Variants in MRTFA observed in about 807,000 individuals in gnomAD.
The protein encoded by MRTFA is myocardin related transcription factor A, also known as myocardin-related transcription factor A.
Under a neutral mutation model 83.5 loss-of-function variants are expected in MRTFA, and 20 were observed. The observed-to-expected ratio is 0.24, with a 90% confidence interval of 0.17 to 0.35. The LOEUF is 0.35. Ranked by LOEUF, MRTFA falls within the 10% of genes least tolerant of loss-of-function variation. The probability of loss-of-function intolerance (pLI) is 1.00; values close to 1 mark genes in which losing one functional copy is unlikely to be tolerated. For synonymous variants in MRTFA, 659 were observed against 541.2 expected, an observed-to-expected ratio of 1.22 and a Z score of -3.02; for missense variants, 1,200 against 1,224.7, an observed-to-expected ratio of 0.98 and a Z score of 0.30.
rs372091673 is a variant in MRTFA at position 40,470,295 on chromosome 22, A to G, written c.242-7009T>C. 1.2e-4 allele frequency among the ~76,000 whole-genome samples: 16 copies of G among 130,620 alleles called. No individual in the cohort carries two copies. The East Asian group carries it at 3.4e-3, about 28-fold the overall frequency. 85.7% of individuals were successfully genotyped at this position (130,620 alleles called of 152,430 possible). The stretch of plus-strand genomic sequence containing the variant: ...TATATATATATAAAGAAACATAATA[A>G]AGAGCAAAAGAAAATTTGGGAAATT... On this transcript the variant is annotated intron_variant, in intron 3 of 14. Transcript: ENST00000355630.
intron 1 of MRTFA, among the ~76,000 whole-genome samples, chr22:40,606,696 T>C (rs1222079282): frequency 1.3e-5 from 2 of 152,230 alleles, no homozygotes; most frequent in Non-Finnish European, 2.9e-5. Flanking sequence ...CCAATTATAA[T>C]TCTTTTCAGA....
chr22:40,609,516 T>C (rs1368604004), intron 1 of MRTFA, among the ~76,000 whole-genome samples: 1 of 151,480 alleles, frequency 6.6e-6, no homozygotes, highest in Non-Finnish European at 1.5e-5. Context: ...ACTTTAAATT[T>C]TTGATAGTGA....
At chr22:40,595,272 C>T (rs1228796684) in intron 1 of MRTFA, among the ~76,000 whole-genome samples, 1 of 151,798 alleles carries the variant, frequency 6.6e-6, no homozygotes, top group Non-Finnish European at 1.5e-5. Context: ...AGGTGTGCAC[C>T]ATTACGTCGG....
At chr22:40,513,957 T>TA (rs1361337328) in intron 3 of MRTFA, among the ~76,000 whole-genome samples, 2 of 151,618 alleles carry the variant, frequency 1.3e-5, no homozygotes, top group East Asian at 3.9e-4. Context: ...TTTTTTTTTT[T>TA]AAGTTAAAAA....
chr22:40,466,495 G>A (rs756623468), intron 3 of MRTFA, among the ~76,000 whole-genome samples: 40 of 152,106 alleles, frequency 2.6e-4, no homozygotes, highest in Non-Finnish European at 4.9e-4. Context: ...TATGCAATGT[G>A]CCTCTTTGTC....
In MRTFA at chr22:40,419,120, C is replaced by T. The variant is rs1188745956; in HGVS notation, c.1618G>A (p.Gly540Arg). 4 of 1,590,042 alleles carry T rather than the reference C, an allele frequency of 2.5e-6. No homozygotes were observed. Among genetic ancestry groups the T allele is most frequent in the East Asian group, 2.3e-5 (1 of 43,198 alleles). ...CCCGTGCTGCCAAACTTCACCACCC[C>T]ACTGCTGGCCACCGTGGCCACCACC... The change falls in exon 12 of 15, where the codon GGG becomes AGG. Residue 540 changes from glycine (G) to arginine (R), a missense_variant. Gly to Arg is a moderately radical substitution (Grantham distance 125, BLOSUM62 -2). Transcript: ENST00000355630.
intron 4 of MRTFA, among the ~76,000 whole-genome samples, chr22:40,445,452 T>C (rs2053358406): frequency 1.3e-5 from 2 of 152,204 alleles, no homozygotes; most frequent in South Asian, 4.1e-4. Flanking sequence ...TAACCTACAG[T>C]CCATATCTGA....
intron 1 of MRTFA, among the ~76,000 whole-genome samples, chr22:40,629,501 G>A (rs1602514839): frequency 1.4e-5 from 2 of 145,746 alleles, no homozygotes; most frequent in South Asian, 2.2e-4. Context: ...AGTGGCTCAC[G>A]CTGTAATCCC....
chr22:40,439,095 T>C (rs1427316210), intron 4 of MRTFA, among the ~76,000 whole-genome samples: 7 of 152,176 alleles, frequency 4.6e-5, no homozygotes, highest in African/African-American at 1.7e-4. Context: ...GGGATAAGAT[T>C]ATAACCTAAT....
intron 3 of MRTFA, among the ~76,000 whole-genome samples, chr22:40,464,939 T>C (rs1318531796): frequency 6.6e-6 from 1 of 152,192 alleles, no homozygotes; most frequent in East Asian, 1.9e-4. Flanking sequence ...TGTTTTCCCA[T>C]GCTGCAGTGG....
chr22:40,496,743 T>C (rs2054361665), intron 3 of MRTFA, among the ~76,000 whole-genome samples: 2 of 146,972 alleles, frequency 1.4e-5, no homozygotes, highest in Non-Finnish European at 3.0e-5. Context: ...ACAATCTATT[T>C]TCTCTTTCTC....
intron 2 of MRTFA, among the ~76,000 whole-genome samples, chr22:40,578,654 G>A (rs1037781906): frequency 2.0e-5 from 3 of 152,030 alleles, no homozygotes; most frequent in Admixed American, 6.6e-5. Context: ...AGGCACTGTG[G>A]GTCACACCTG....
intron 1 of MRTFA, among the ~76,000 whole-genome samples, chr22:40,606,693 T>C (rs2056322302): frequency 6.6e-6 from 1 of 152,254 alleles, no homozygotes. Flanking sequence ...TCACCAATTA[T>C]AATTCTTTTC....
At chr22:40,614,833 T>C (rs2056430833) in intron 1 of MRTFA, among the ~76,000 whole-genome samples, 1 of 152,194 alleles carries the variant, frequency 6.6e-6, no homozygotes, top group African/African-American at 2.4e-5. Flanking sequence ...CTTCTACTTA[T>C]TTTTTAATTG....
intron 2 of MRTFA, among the ~76,000 whole-genome samples, chr22:40,576,853 GA>G (rs1228344313): frequency 3.9e-5 from 6 of 152,192 alleles, no homozygotes; most frequent in African/African-American, 1.4e-4. Context: ...GGCCAAGGCA[GA>G]ATGATGGCCT....
intron 1 of MRTFA, among the ~76,000 whole-genome samples, chr22:40,626,822 G>A (rs1037300207): frequency 2.0e-5 from 3 of 151,654 alleles, no homozygotes; most frequent in African/African-American, 7.3e-5. Context: ...CTACGATCGT[G>A]CCACTGCGAT....
intron 3 of MRTFA, among the ~76,000 whole-genome samples, chr22:40,542,247 C>G (rs1166949938): frequency 6.6e-6 from 1 of 152,160 alleles, no homozygotes; most frequent in Non-Finnish European, 1.5e-5. Flanking sequence ...TTACTTCTTT[C>G]ATTTGTCAAA....
chr22:40,462,284 A>C (rs567294285), intron 4 of MRTFA, among the ~76,000 whole-genome samples: 139 of 152,316 alleles, frequency 9.1e-4, no homozygotes, highest in Middle Eastern at 3.4e-3. Context: ...CAAGAGCTGG[A>C]TTTATCTTGC....
intron 3 of MRTFA, among the ~76,000 whole-genome samples, chr22:40,550,048 C>CAAAAAAA (rs3044559): frequency 1.5e-5 from 2 of 130,314 alleles, no homozygotes; most frequent in Non-Finnish European, 3.3e-5. Flanking sequence ...GACTCTGTTG[C>CAAAAAAA]AAAAAAAAAA....
Sources: gnomAD v4.1 joint callset for allele counts (sites outside exome capture counted in the v4.1 genomes callset) on GRCh38, gnomAD v4.1.1 for gene constraint, MANE v1.5 for transcripts, NCBI Gene and HGNC (gene_info 2026-07-23, HGNC 2026-07-21) for gene names.